Variants in SLIT1 observed in about 807,000 individuals in gnomAD.
SLIT1 encodes slit guidance ligand 1.
A neutral mutation model predicts 186.1 loss-of-function variants in SLIT1; 66 were observed. The observed-to-expected ratio is 0.35, with a 90% CI of 0.29 to 0.44. The LOEUF (loss-of-function observed/expected upper bound fraction) is 0.44, where lower values mean the gene tolerates loss of function less well. SLIT1 is among the 20% of genes least tolerant of loss of function. The pLI is 1.00. For synonymous variants in SLIT1, 761 were observed against 833.8 expected (o/e 0.91, Z 1.50); for missense variants, 1,638 against 2,037.4 (o/e 0.80, Z 3.77).
chr10:97,143,550 A>G (rs529422806), intron 4 of SLIT1, among the ~76,000 whole-genome samples: 1 of 152,270 alleles, frequency 6.6e-6, no homozygotes, highest in Non-Finnish European at 1.5e-5. Context: ...GAATGTGAAC[A>G]TATTTAACAC....
chr10:97,159,007 A>C (rs1320016058), intron 3 of SLIT1, among the ~76,000 whole-genome samples: 2 of 152,140 alleles, frequency 1.3e-5, no homozygotes, highest in East Asian at 1.9e-4. Flanking sequence ...AACTAAGAGA[A>C]ACGTCATCTC....
intron 4 of SLIT1, among the ~76,000 whole-genome samples, chr10:97,157,012 A>G (rs1849960224): frequency 6.6e-6 from 1 of 152,208 alleles, no homozygotes; most frequent in South Asian, 2.1e-4. Context: ...TAGAAAGCAA[A>G]ACTGAGAAAT....
chr10:97,152,878 T>A (rs1466351349), intron 4 of SLIT1, among the ~76,000 whole-genome samples: 2 of 152,238 alleles, frequency 1.3e-5, no homozygotes, highest in African/African-American at 4.8e-5. Context: ...CTGCATTACT[T>A]GACATCTTTC....
chr10:97,125,938 G>A (rs1361935515), intron 4 of SLIT1, among the ~76,000 whole-genome samples: 1 of 152,156 alleles, frequency 6.6e-6, no homozygotes, highest in Non-Finnish European at 1.5e-5. Context: ...TGGTCTCTTA[G>A]CTCTACAGGA....
chr10:97,011,775 C>T (rs776964664), intron 30 of SLIT1, among the ~76,000 whole-genome samples: 5 of 152,138 alleles, frequency 3.3e-5, no homozygotes, highest in Non-Finnish European at 7.4e-5. Context: ...TACAGACCTC[C>T]TGCTCCCCTG....
At chr10:97,075,237 C>T (rs1378844985) in intron 4 of SLIT1, among the ~76,000 whole-genome samples, 1 of 152,254 alleles carries the variant, frequency 6.6e-6, no homozygotes, top group African/African-American at 2.4e-5. Context: ...GGATTAAGGA[C>T]TCAGGCTCTG....
chr10:97,009,702 A>G (rs1848394816), intron 31 of SLIT1, among the ~76,000 whole-genome samples: 1 of 152,254 alleles, frequency 6.6e-6, no homozygotes, highest in African/African-American at 2.4e-5. Flanking sequence ...ATAACCAACA[A>G]AATGGGAGAA....
At chr10:97,051,738 G>A (rs982330403) in intron 13 of SLIT1, among the ~76,000 whole-genome samples, 8 of 151,918 alleles carry the variant, frequency 5.3e-5, no homozygotes, top group South Asian at 2.1e-4. Context: ...CTTAAACCTC[G>A]GAGGTGGAGG....
chr10:97,091,749 G>A (rs1336543136), intron 4 of SLIT1, among the ~76,000 whole-genome samples: 1 of 152,210 alleles, frequency 6.6e-6, no homozygotes, highest in Non-Finnish European at 1.5e-5. Context: ...CAGGTTGCTG[G>A]CTGAAGTGCA....
At chr10:97,034,259 T>C (rs1336764698) in intron 23 of SLIT1, among the ~76,000 whole-genome samples, 1 of 152,270 alleles carries the variant, frequency 6.6e-6, no homozygotes, top group Non-Finnish European at 1.5e-5. Flanking sequence ...TATTTACTTT[T>C]TGCATTATTA....
chr10:97,151,986 C>T (rs1411517854), intron 4 of SLIT1, among the ~76,000 whole-genome samples: 2 of 152,090 alleles, frequency 1.3e-5, no homozygotes, highest in African/African-American at 4.8e-5. Context: ...TGCTCCAGCC[C>T]ACCCTCAATG....
At chr10:97,129,102 C>T (rs536202939) in intron 4 of SLIT1, among the ~76,000 whole-genome samples, 12 of 152,226 alleles carry the variant, frequency 7.9e-5, no homozygotes, top group South Asian at 4.1e-4. Context: ...TTTTCACTTA[C>T]GTTAAAGAAG....
At chr10:97,070,706 C>T (rs1848994569) in intron 4 of SLIT1, among the ~76,000 whole-genome samples, 1 of 152,180 alleles carries the variant, frequency 6.6e-6, no homozygotes, top group South Asian at 2.1e-4. Context: ...TCTATGAAGC[C>T]GGAAGCAGCC....
At chr10:97,141,900 C>G (rs1288159619) in intron 4 of SLIT1, among the ~76,000 whole-genome samples, 1 of 152,228 alleles carries the variant, frequency 6.6e-6, no homozygotes. Context: ...TCAAGCAATC[C>G]TCCTGCTTCA....
chr10:97,163,214 C>T (rs1270262851), intron 3 of SLIT1, among the ~76,000 whole-genome samples, 166 bp downstream of exon 3: 2 of 152,190 alleles, frequency 1.3e-5, no homozygotes, highest in Non-Finnish European at 2.9e-5. Flanking sequence ...TGCCTTGTGA[C>T]CACTTTCACA....
intron 4 of SLIT1, chr10:97,157,584 C>T (rs74880483): frequency 5.5e-6 from 3 of 544,624 alleles, no homozygotes; most frequent in East Asian, 5.9e-5. Flanking sequence ...CGGCAGCTCA[C>T]AAATCTGGAT....
At chr10:97,163,124 C>T (rs1032078992) in intron 3 of SLIT1, among the ~76,000 whole-genome samples, 5 of 152,172 alleles carry the variant, frequency 3.3e-5, no homozygotes, top group South Asian at 2.1e-4. Flanking sequence ...TTTGCCATCC[C>T]GTATCTTCAG....
At chr10:97,182,814 G>A (rs372391953) in intron 1 of SLIT1, among the ~76,000 whole-genome samples, 5 of 152,218 alleles carry the variant, frequency 3.3e-5, no homozygotes, top group African/African-American at 1.2e-4. Flanking sequence ...GCTTACACCC[G>A]CAGGTTTTTG....
At chr10:97,045,208 T>TA (rs879446847) in intron 18 of SLIT1, among the ~76,000 whole-genome samples, 1,494 of 137,738 alleles carry the variant, frequency 0.011, 10 homozygotes, top group African/African-American at 0.017. Context: ...ACATTGCTTA[T>TA]AAAAAAAAAA....
Sources: gnomAD v4.1 joint callset for allele counts (sites outside exome capture counted in the v4.1 genomes callset) on GRCh38, gnomAD v4.1.1 for gene constraint, MANE v1.5 for transcripts, NCBI Gene and HGNC (gene_info 2026-07-23, HGNC 2026-07-21) for gene names.